Variants in COQ10B observed in about 807,000 individuals in gnomAD.
The protein encoded by COQ10B is coenzyme Q10B.
Under a neutral mutation model 27.6 loss-of-function variants are expected in COQ10B, and 12 were observed. That is an observed-to-expected ratio of 0.43 (90% CI 0.28 to 0.70). The LOEUF (loss-of-function observed/expected upper bound fraction) is 0.70. Among genes scored for constraint, COQ10B ranks in the 30% least tolerant of loss-of-function variants. COQ10B has a pLI of 0.17. For missense variants in COQ10B, 278 were observed against 288.7 expected (o/e 0.96, Z 0.27); for synonymous variants, 115 against 103.0 (o/e 1.12, Z -0.71).
At chr2:197,454,226 AG>A in intron 1 of COQ10B, 1 of 1,256,602 alleles carries the variant, frequency 8.0e-7, no homozygotes, top group Non-Finnish European at 1.1e-6. Context: ...CTTGAAGCAT[AG>A]TCAGCTTTCG....
At chr2:197,454,160 G>A (rs2106042555) in intron 1 of COQ10B, 1 of 1,539,632 alleles carries the variant, frequency 6.5e-7, no homozygotes. Flanking sequence ...ACTAAATACA[G>A]CCAGCATAAG....
At chr2:197,453,859 G>A (rs2085665538) in intron 1 of COQ10B, 195 bp downstream of exon 1, 3 of 1,264,046 alleles carry the variant, frequency 2.4e-6, no homozygotes, top group Non-Finnish European at 3.3e-6. Context: ...CCAAGGCTGT[G>A]TTCGTGGCTC....
At chr2:197,467,787 G>A (rs1351061076) in intron 3 of COQ10B, among the ~76,000 whole-genome samples, 3 of 152,212 alleles carry the variant, frequency 2.0e-5, no homozygotes, top group Non-Finnish European at 4.4e-5. Context: ...ACAGTTCTGT[G>A]AATTATTAGC....
chr2:197,472,593 C>G (rs762365970), intron 4 of COQ10B, among the ~76,000 whole-genome samples: 1 of 152,032 alleles, frequency 6.6e-6, no homozygotes, highest in Non-Finnish European at 1.5e-5. Context: ...TACCTGAGGT[C>G]AGGAGTTTGA....
chr2:197,465,276 T>C (rs903415198), intron 3 of COQ10B, among the ~76,000 whole-genome samples: 9 of 151,166 alleles, frequency 6.0e-5, no homozygotes, highest in African/African-American at 2.2e-4. Flanking sequence ...ACCTTTCTTC[T>C]GTTCCCTGCC....
At chr2:197,453,924 GGCCATTGGT>G in intron 1 of COQ10B, 1 of 1,533,954 alleles carries the variant, frequency 6.5e-7, no homozygotes, top group South Asian at 1.2e-5. Flanking sequence ...GAAGCAATTT[GGCCATTGGT>G]GCCTTTGGGC....
At chr2:197,467,800 A>G (rs531761137) in intron 3 of COQ10B, among the ~76,000 whole-genome samples, 1 of 152,378 alleles carries the variant, frequency 6.6e-6, no homozygotes, top group East Asian at 1.9e-4. Context: ...TTATTAGCTG[A>G]CCAAAACATG....
At chr2:197,461,592 T>A (rs917729301) in intron 2 of COQ10B, among the ~76,000 whole-genome samples, 2 of 126,722 alleles carry the variant, frequency 1.6e-5, no homozygotes, top group African/African-American at 6.2e-5. Flanking sequence ...TGTGTGTGTG[T>A]GTGAGGGAGG....
intron 3 of COQ10B, among the ~76,000 whole-genome samples, chr2:197,465,858 G>T (rs575788902): frequency 6.6e-6 from 1 of 152,108 alleles, no homozygotes; most frequent in Non-Finnish European, 1.5e-5. Context: ...GGCTGAGGCC[G>T]AGATGGCTGC....
intron 3 of COQ10B, among the ~76,000 whole-genome samples, chr2:197,463,308 C>T (rs1285456888): frequency 6.6e-6 from 1 of 151,554 alleles, no homozygotes; most frequent in African/African-American, 2.4e-5. Flanking sequence ...CCCGTCTCTA[C>T]TAAAAATACA....
At chr2:197,464,066 T>TATACAC (rs1553574174) in intron 3 of COQ10B, among the ~76,000 whole-genome samples, 2 of 107,282 alleles carry the variant, frequency 1.9e-5, no homozygotes, top group African/African-American at 3.2e-5. Flanking sequence ...TATATATATA[T>TATACAC]ACACACACAC....
intron 2 of COQ10B, among the ~76,000 whole-genome samples, chr2:197,461,480 A>C (rs1197849403): frequency 6.6e-6 from 1 of 152,158 alleles, no homozygotes; most frequent in Non-Finnish European, 1.5e-5. Context: ...AAAAGAGTGC[A>C]AATCTTTGGA....
intron 3 of COQ10B, among the ~76,000 whole-genome samples, chr2:197,465,948 C>T (rs181495918): frequency 6.6e-6 from 1 of 152,026 alleles, no homozygotes; most frequent in Admixed American, 6.6e-5. Context: ...AAAACTTAGC[C>T]AGGCGTGGTG....
intron 4 of COQ10B, among the ~76,000 whole-genome samples, chr2:197,473,415 A>AAAAATAT (rs1229206676): frequency 1.5e-4 from 9 of 59,510 alleles, no homozygotes; most frequent in East Asian, 7.7e-4. Flanking sequence ...AAAAAAAAAA[A>AAAAATAT]ATATATATAT....
chr2:197,460,169 C>A (rs1394048987), intron 2 of COQ10B, 88 bp downstream of exon 2: 4 of 831,726 alleles, frequency 4.8e-6, no homozygotes, highest in Non-Finnish European at 7.1e-6. Context: ...TCTGGATTAT[C>A]TTCTTACAGA....
intron 3 of COQ10B, among the ~76,000 whole-genome samples, chr2:197,469,468 G>A (rs957353221): frequency 6.6e-6 from 1 of 152,214 alleles, no homozygotes; most frequent in Non-Finnish European, 1.5e-5. Flanking sequence ...TGAATATAAA[G>A]TATACATGTG....
At chr2:197,462,808 C>T in intron 3 of COQ10B, 77 bp downstream of exon 3, 1 of 853,898 alleles carries the variant, frequency 1.2e-6, no homozygotes, top group Non-Finnish European at 1.8e-6. Context: ...AATGTAATAG[C>T]CTAAAAAAAC....
chr2:197,467,764 C>T (rs190634391), intron 3 of COQ10B, among the ~76,000 whole-genome samples: 26 of 152,292 alleles, frequency 1.7e-4, no homozygotes, highest in Non-Finnish European at 2.9e-4. Context: ...AAGGGAAGAA[C>T]AGAAGCCATG....
Position 197,462,609 on chromosome 2 carries a change from A to G in COQ10B, c.325A>G (p.Lys109Glu), listed in dbSNP as rs1356445978. ...TTACAAGCATTTTGTTCCTTGGTGC[A>G]AAAAATCAGATGTTATATCAAAGAG... ...EDYKHFVPWC[K>E]KSDVISKRSG... is the part of the protein sequence containing the mutation. The change falls in exon 3 of 5, where the codon AAA (lysine) becomes GAA (glutamate). Residue 109 changes from lysine to glutamate, a missense_variant. Physicochemically the swap from Lys to Glu is moderately conservative, Grantham distance 56. Coordinates refer to ENST00000263960, the MANE Select transcript of COQ10B (RefSeq NM_025147.5). The G allele has an allele frequency of 3.1e-6, 5 of 1,597,624 alleles. No individual in the cohort carries two copies. The highest frequency in any genetic ancestry group is 4.3e-6 in the Non-Finnish European group (5 of 1,169,146).
Sources: allele counts gnomAD v4.1 joint callset (sites outside exome capture counted in the v4.1 genomes callset), GRCh38; gene constraint gnomAD v4.1.1; transcripts MANE v1.5; gene names NCBI Gene and HGNC (gene_info 2026-07-23, HGNC 2026-07-21).